Variants in CNTNAP2 observed in about 807,000 individuals in gnomAD.
CNTNAP2 encodes the protein contactin-associated protein-like 2.
In CNTNAP2, 98 loss-of-function variants were observed where a neutral mutation model predicts 155.2. The ratio of observed to expected loss-of-function variants is 0.63; its 90% CI spans 0.54 to 0.75. The LOEUF (loss-of-function observed/expected upper bound fraction) is 0.75. CNTNAP2 is among the 30% of genes least tolerant of loss of function. The pLI is 0.00. For missense variants in CNTNAP2, 1,727 were observed against 1,688.1 expected, an observed-to-expected ratio of 1.02 and a Z score of -0.40; for synonymous variants, 651 against 631.2, an observed-to-expected ratio of 1.03 and a Z score of -0.47.
chr7:146,414,156 G>A (rs1795904973), intron 1 of CNTNAP2, among the ~76,000 whole-genome samples: 1 of 152,096 alleles, frequency 6.6e-6, no homozygotes, highest in African/African-American at 2.4e-5. Context: ...TATTTTATAT[G>A]CATATATTTA....
chr7:146,481,646 C>G (rs953697459), intron 1 of CNTNAP2, among the ~76,000 whole-genome samples: 1 of 152,122 alleles, frequency 6.6e-6, no homozygotes, highest in African/African-American at 2.4e-5. Flanking sequence ...GAAATATATA[C>G]GGAATGATTT....
intron 10 of CNTNAP2, among the ~76,000 whole-genome samples, chr7:147,408,965 A>G (rs1006775342): frequency 8.5e-5 from 13 of 152,176 alleles, no homozygotes; most frequent in African/African-American, 3.1e-4. Flanking sequence ...TAGGAGTTGG[A>G]CTGAGGAGAG....
intron 17 of CNTNAP2, among the ~76,000 whole-genome samples, chr7:148,149,604 G>A (rs951688651): frequency 6.6e-6 from 1 of 152,044 alleles, no homozygotes; most frequent in African/African-American, 2.4e-5. Context: ...GAGTGCAATG[G>A]TGTGTTCTCA....
intron 13 of CNTNAP2, among the ~76,000 whole-genome samples, chr7:147,899,315 G>C (rs1030429112): frequency 1.3e-5 from 2 of 152,128 alleles, no homozygotes; most frequent in African/African-American, 4.8e-5. Context: ...ACTCCAGCCT[G>C]GGTGACAGAG....
intron 18 of CNTNAP2, among the ~76,000 whole-genome samples, chr7:148,203,728 G>C (rs961537944): frequency 1.6e-4 from 24 of 151,652 alleles, no homozygotes; most frequent in Admixed American, 5.9e-4. Context: ...GGCCCAGCGA[G>C]AGTACATCTC....
intron 12 of CNTNAP2, among the ~76,000 whole-genome samples, chr7:147,621,051 C>G (rs972028977): frequency 7.9e-5 from 12 of 152,064 alleles, no homozygotes; most frequent in Non-Finnish European, 1.5e-4. Context: ...CAGTTGAAAC[C>G]TTACAGACCA....
intron 18 of CNTNAP2, among the ~76,000 whole-genome samples, chr7:148,211,494 G>T (rs138972598): frequency 2.0e-5 from 3 of 152,178 alleles, no homozygotes; most frequent in Admixed American, 2.0e-4. Context: ...GGGAGACCTC[G>T]CTTCTCAGCT....
chr7:146,294,657 G>A (rs1165879216), intron 1 of CNTNAP2, among the ~76,000 whole-genome samples: 2 of 152,110 alleles, frequency 1.3e-5, no homozygotes, highest in Non-Finnish European at 2.9e-5. Context: ...TTACTTTTCA[G>A]TTTACCACTA....
intron 1 of CNTNAP2, among the ~76,000 whole-genome samples, chr7:146,719,090 G>A (rs1462337808): frequency 6.6e-6 from 1 of 152,080 alleles, no homozygotes; most frequent in Admixed American, 6.5e-5. Context: ...TTGTTAAATT[G>A]AATCTACTTT....
intron 1 of CNTNAP2, among the ~76,000 whole-genome samples, chr7:146,682,249 A>T (rs778520911): frequency 1.4e-4 from 21 of 152,184 alleles, no homozygotes; most frequent in Non-Finnish European, 1.9e-4. Context: ...ATATATATAT[A>T]TTTTTAATGT....
At chr7:146,916,445 A>G (rs111449841) in intron 3 of CNTNAP2, among the ~76,000 whole-genome samples, 1 of 152,150 alleles carries the variant, frequency 6.6e-6, no homozygotes, top group Non-Finnish European at 1.5e-5. Context: ...CTGTTAATCT[A>G]TCTGGTCCTG....
At chr7:148,103,186 C>T (rs991842467) in intron 15 of CNTNAP2, among the ~76,000 whole-genome samples, 1 of 149,772 alleles carries the variant, frequency 6.7e-6, no homozygotes, top group Non-Finnish European at 1.5e-5. Flanking sequence ...AAGGATATTC[C>T]TTGTGAGGGA....
chr7:146,741,179 ATG>A (rs1309703573), intron 1 of CNTNAP2, among the ~76,000 whole-genome samples: 1 of 151,954 alleles, frequency 6.6e-6, no homozygotes, highest in Non-Finnish European at 1.5e-5. Context: ...TACCCTTTCA[ATG>A]TGTCTTTTCT....
intron 8 of CNTNAP2, among the ~76,000 whole-genome samples, chr7:147,216,830 T>A (rs1803279683): frequency 6.6e-6 from 1 of 152,056 alleles, no homozygotes; most frequent in African/African-American, 2.4e-5. Context: ...TATCTATCCA[T>A]CTATTTAGTT....
chr7:146,840,235 G>A (rs1803694766), intron 3 of CNTNAP2, among the ~76,000 whole-genome samples: 1 of 152,122 alleles, frequency 6.6e-6, no homozygotes, highest in Non-Finnish European at 1.5e-5. Context: ...TGAAGACAGC[G>A]ATCTTCAATT....
chr7:146,127,074 C>T (rs1446063877), intron 1 of CNTNAP2, among the ~76,000 whole-genome samples: 1 of 152,280 alleles, frequency 6.6e-6, no homozygotes, highest in East Asian at 1.9e-4. Flanking sequence ...AATTTAGTCT[C>T]CTCCTAACCC....
chr7:146,514,042 T>A (rs1797506662), intron 1 of CNTNAP2, among the ~76,000 whole-genome samples: 1 of 151,984 alleles, frequency 6.6e-6, no homozygotes, highest in Non-Finnish European at 1.5e-5. Context: ...ATCATTCCAT[T>A]CCACCTGGCC....
intron 9 of CNTNAP2, among the ~76,000 whole-genome samples, chr7:147,333,010 A>T (rs535091544): frequency 7.9e-5 from 12 of 152,302 alleles, no homozygotes; most frequent in African/African-American, 2.9e-4. Context: ...TTAATATACA[A>T]GGGATACATT....
At chr7:148,326,841 A>G (rs1366082340) in intron 21 of CNTNAP2, among the ~76,000 whole-genome samples, 4 of 147,296 alleles carry the variant, frequency 2.7e-5, no homozygotes, top group Non-Finnish European at 5.9e-5. Flanking sequence ...CTCCAGCCTG[A>G]GCGACAGAGC....
Sources: allele counts gnomAD v4.1 joint callset (sites outside exome capture counted in the v4.1 genomes callset), GRCh38; gene constraint gnomAD v4.1.1; transcripts MANE v1.5; gene names NCBI Gene and HGNC (gene_info 2026-07-23, HGNC 2026-07-21).